Variants in CEP85L observed in about 807,000 individuals in gnomAD.
CEP85L encodes the protein centrosomal protein of 85 kDa-like.
A neutral mutation model predicts 100.3 loss-of-function variants in CEP85L; 60 were observed. The ratio of observed to expected loss-of-function variants is 0.60; its 90% confidence interval spans 0.49 to 0.74. CEP85L has a LOEUF of 0.74. CEP85L is among the 30% of genes least tolerant of loss of function. CEP85L has a pLI of 0.00. For missense variants in CEP85L, 973 were observed against 936.2 expected, an observed-to-expected ratio of 1.04 and a Z score of -0.51; for synonymous variants, 319 against 322.7, an observed-to-expected ratio of 0.99 and a Z score of 0.12.
chr6:118,607,714 C>T (rs1772321117), intron 2 of CEP85L, among the ~76,000 whole-genome samples: 1 of 152,156 alleles, frequency 6.6e-6, no homozygotes, highest in African/African-American at 2.4e-5. Flanking sequence ...CTAACCCAAT[C>T]CCATCCTTTA....
At chr6:118,535,468 T>C (rs541434827) in intron 3 of CEP85L, among the ~76,000 whole-genome samples, 2 of 152,362 alleles carry the variant, frequency 1.3e-5, no homozygotes, top group Admixed American at 6.5e-5. Context: ...ATAATCGCAG[T>C]TTCACTTTCT....
intron 7 of CEP85L, 116 bp downstream of exon 7, chr6:118,483,590 T>G (rs1773954153): frequency 1.1e-6 from 1 of 870,662 alleles, no homozygotes; most frequent in South Asian, 1.8e-5. Context: ...TTATTAGAAT[T>G]AAGTCCCCAA....
chr6:118,573,905 T>C (rs570630546), intron 2 of CEP85L: 3 of 152,270 alleles, frequency 2.0e-5, no homozygotes, highest in Admixed American at 6.5e-5. Flanking sequence ...CTAAATAAAA[T>C]TCATAAAAGA....
chr6:118,481,816 T>C lies in CEP85L; in HGVS notation c.1708A>G (p.Lys570Glu), dbSNP rs746240342. 1.4e-5 allele frequency: 22 copies of C among 1,594,296 alleles called. No homozygotes were observed. In the African/African-American group the frequency reaches 2.0e-4, roughly 15 times the overall value. ...QDKETQLICQ[K>E]KKEKELVTTV... ...GTTACTAACTCCTTTTCTTTCTTTT[T>C]CTGGCATATTAACTGTGTCTCTTTA... Residue 570 changes from lysine to glutamate, a missense_variant, in exon 8 of 13, where the codon AAA becomes GAA. This residue lies in a region of CEP85L where 890 missense variants were observed against 844.5 expected (regional missense o/e 1.05). Coordinates refer to ENST00000368491, the MANE Select transcript of CEP85L (RefSeq NM_001042475.3).
intron 3 of CEP85L, among the ~76,000 whole-genome samples, chr6:118,553,232 A>G (rs1419749071): frequency 3.7e-5 from 5 of 135,034 alleles, no homozygotes; most frequent in African/African-American, 1.4e-4. Context: ...AAAAAAAAAA[A>G]GGAAACTCAT....
At chr6:118,697,188 A>G (rs981152373) in intron 1 of CEP85L, among the ~76,000 whole-genome samples, 3 of 152,142 alleles carry the variant, frequency 2.0e-5, no homozygotes, top group African/African-American at 7.2e-5. Flanking sequence ...CTGGAGCATA[A>G]AGTCACATGG....
At chr6:118,473,095 T>C (rs1582857418) in intron 10 of CEP85L, among the ~76,000 whole-genome samples, 1 of 152,304 alleles carries the variant, frequency 6.6e-6, no homozygotes, top group Non-Finnish European at 1.5e-5. Context: ...TAAACATGCA[T>C]ACCATATAAG....
chr6:118,612,378 C>G (rs958647135), intron 2 of CEP85L, among the ~76,000 whole-genome samples: 4 of 151,860 alleles, frequency 2.6e-5, no homozygotes, highest in Non-Finnish European at 5.9e-5. Context: ...TGGCAAACGG[C>G]CAGGTGCGGT....
chr6:118,608,871 T>C (rs1772425131), intron 2 of CEP85L, among the ~76,000 whole-genome samples: 1 of 152,194 alleles, frequency 6.6e-6, no homozygotes, highest in Non-Finnish European at 1.5e-5. Context: ...TTGGCAGGGA[T>C]TTTATTAATT....
intron 1 of CEP85L, among the ~76,000 whole-genome samples, chr6:118,701,531 C>G (rs1428806106): frequency 6.6e-6 from 1 of 152,096 alleles, no homozygotes; most frequent in East Asian, 1.9e-4. Context: ...GAACAGAAAA[C>G]CAAATACCAC....
At chr6:118,660,506 A>C (rs1775935655) in intron 1 of CEP85L, among the ~76,000 whole-genome samples, 1 of 152,226 alleles carries the variant, frequency 6.6e-6, no homozygotes, top group African/African-American at 2.4e-5. Flanking sequence ...CCATACTCCT[A>C]CTTACTTGAA....
Position 118,469,067 on chromosome 6 carries a change from C to G in CEP85L, c.2254+5G>C. 1 of 1,597,884 alleles carries G rather than the reference C, an allele frequency of 6.3e-7. No homozygotes were observed. The highest frequency in any genetic ancestry group is 8.6e-7 in the Non-Finnish European group (1 of 1,165,660). On this transcript the variant is annotated splice_donor_5th_base_variant and intron_variant, in intron 12 of 12. Coordinates refer to ENST00000368491, the MANE Select transcript of CEP85L (RefSeq NM_001042475.3). ...CAAAATAAGGACAAGTCATCAGACA[C>G]TTACATCTTATTCCCAGTAATAATG...
chr6:118,542,479 CA>C (rs1209120288), intron 3 of CEP85L, among the ~76,000 whole-genome samples: 2 of 152,126 alleles, frequency 1.3e-5, no homozygotes, highest in African/African-American at 2.4e-5. Context: ...AAAATAACCA[CA>C]TTTTTCAAGC....
Position 118,553,215 on chromosome 6 carries a change from T to TA in CEP85L, c.1020+12313dup, listed in dbSNP as rs59502810. On this transcript the variant is annotated intron_variant, in intron 3 of 12. Transcript: ENST00000368491. ...TTAAACAGCTTAGCTGTTAAGAAAT[T>TA]AAAAAAAAAAAAAAAAAGGAAACTC... Among the ~76,000 whole-genome samples, 351 of 138,928 alleles carry TA rather than the reference T, an allele frequency of 2.5e-3. 1 individual carries two copies. The highest frequency in any genetic ancestry group is 0.017 in the East Asian group (81 of 4,664). 91.1% of individuals were successfully genotyped at this position (138,928 alleles called of 152,430 possible).
At chr6:118,539,642 G>C (rs1043365065) in intron 3 of CEP85L, among the ~76,000 whole-genome samples, 15 of 148,152 alleles carry the variant, frequency 1.0e-4, no homozygotes, top group African/African-American at 3.7e-4. Flanking sequence ...GGACATGCAG[G>C]TTTCTTACAT....
intron 1 of CEP85L, 75 bp downstream of exon 1, chr6:118,651,122 A>G: frequency 5.6e-6 from 8 of 1,431,648 alleles, no homozygotes; most frequent in Non-Finnish European, 7.3e-6. Flanking sequence ...GCGGGAGGGG[A>G]GCGGCGGCGA....
At chr6:118,470,708 AAAG>A in intron 10 of CEP85L, 64 bp from the exon 11 acceptor site, 1 of 886,744 alleles carries the variant, frequency 1.1e-6, no homozygotes. Context: ...TCTCAAACAG[AAAG>A]AAGTAGGAAT....
intron 11 of CEP85L, among the ~76,000 whole-genome samples, chr6:118,470,275 A>G (rs907170015): frequency 8.4e-4 from 128 of 152,116 alleles, no homozygotes; most frequent in Middle Eastern, 3.4e-3. Flanking sequence ...GGGTGATTGG[A>G]AAAAAACTTT....
At chr6:118,572,669 G>A (rs974187045) in intron 2 of CEP85L, among the ~76,000 whole-genome samples, 3 of 151,844 alleles carry the variant, frequency 2.0e-5, no homozygotes, top group African/African-American at 4.8e-5. Flanking sequence ...GCTAGGAGTG[G>A]GGCTATATAA....
Sources: gnomAD v4.1 joint callset for allele counts (sites outside exome capture counted in the v4.1 genomes callset) on GRCh38, gnomAD v4.1.1 for gene constraint, gnomAD v4.1.1 regional missense constraint, MANE v1.5 for transcripts, NCBI Gene and HGNC (gene_info 2026-07-23, HGNC 2026-07-21) for gene names.